Variants in RBFOX3 observed in about 807,000 individuals in gnomAD.
RBFOX3 encodes the protein RNA binding protein fox-1 homolog 3.
A neutral mutation model predicts 48.7 loss-of-function variants in RBFOX3; 17 were observed. The ratio of observed to expected loss-of-function variants is 0.35; its 90% CI spans 0.24 to 0.52. The LOEUF (loss-of-function observed/expected upper bound fraction) is 0.52. RBFOX3 is among the 20% of genes least tolerant of loss of function. RBFOX3 has a pLI of 0.94. For missense variants in RBFOX3, 382 were observed against 497.5 expected, an observed-to-expected ratio of 0.77 and a Z score of 2.21; for synonymous variants, 212 against 209.5, an observed-to-expected ratio of 1.01 and a Z score of -0.10.
At chr17:79,603,288 G>A (rs1461515705) in intron 1 of RBFOX3, among the ~76,000 whole-genome samples, 1 of 152,168 alleles carries the variant, frequency 6.6e-6, no homozygotes, top group Admixed American at 6.5e-5. Flanking sequence ...ACCCTGCCCT[G>A]GCCTCCTTGT....
intron 6 of RBFOX3, among the ~76,000 whole-genome samples, chr17:79,104,871 C>T (rs1433050891): frequency 6.6e-6 from 1 of 151,182 alleles, no homozygotes; most frequent in Non-Finnish European, 1.5e-5. Flanking sequence ...GCCCAGGCCC[C>T]CGGGACCCTG....
chr17:79,616,868 T>A, the RBFOX3 span, among the ~76,000 whole-genome samples: 11 of 152,138 alleles, frequency 7.2e-5, no homozygotes, highest in Admixed American at 1.3e-4. Flanking sequence ...CCGGGCTCCA[T>A]GGAATGTAGG....
At chr17:79,552,369 C>T (rs952930739) in intron 1 of RBFOX3, among the ~76,000 whole-genome samples, 41 of 152,136 alleles carry the variant, frequency 2.7e-4, no homozygotes, top group African/African-American at 8.7e-4. Flanking sequence ...TTAAACATCA[C>T]ACATCAGCAA....
the RBFOX3 span, among the ~76,000 whole-genome samples, chr17:79,663,429 A>T: frequency 1.3e-5 from 2 of 152,190 alleles, no homozygotes; most frequent in Non-Finnish European, 2.9e-5. Flanking sequence ...CAATGAAGTC[A>T]TCCTGGGCTG....
intron 4 of RBFOX3, among the ~76,000 whole-genome samples, chr17:79,168,815 C>T (rs1015340787): frequency 6.6e-6 from 1 of 152,012 alleles, no homozygotes; most frequent in South Asian, 2.1e-4. Flanking sequence ...CTCACCCTGT[C>T]TTCCCGCTGG....
At position 79,364,844 on chromosome 17, in the gene RBFOX3, C is replaced by T. The variant is rs910539543; in HGVS notation, c.-174-57020G>A. 6.6e-6 allele frequency among the ~76,000 whole-genome samples: 1 copy of T among 152,192 alleles called. No individual in the cohort carries two copies. The highest frequency in any genetic ancestry group is 1.5e-5 in the Non-Finnish European group (1 of 68,030). ...TTACCTACAGCCTGGGTTGCTCCCT[C>T]AGCTGGAGAGGCTACCTTGTGTGGC... On this transcript the variant is annotated intron_variant, in intron 2 of 14. Coordinates refer to ENST00000693108, the MANE Select transcript of RBFOX3 (RefSeq NM_001350451.2). The surrounding 1 kb of genome is among the most constrained non-coding windows in gnomAD (Gnocchi z 5.1).
At chr17:79,331,743 C>T (rs1298847587) in intron 2 of RBFOX3, among the ~76,000 whole-genome samples, 4 of 152,216 alleles carry the variant, frequency 2.6e-5, no homozygotes, top group South Asian at 4.1e-4. Context: ...GTGGCCTGCC[C>T]GCTGTTAACA....
At chr17:79,396,817 A>C (rs2062045072) in intron 2 of RBFOX3, among the ~76,000 whole-genome samples, 1 of 152,242 alleles carries the variant, frequency 6.6e-6, no homozygotes, top group South Asian at 2.1e-4. Context: ...CCCAGACAGC[A>C]ACAACAGGGC....
chr17:79,109,628 G>A (rs189710647), intron 5 of RBFOX3, among the ~76,000 whole-genome samples: 32 of 152,328 alleles, frequency 2.1e-4, no homozygotes, highest in Middle Eastern at 6.8e-3. Context: ...CCCTCCCATT[G>A]GACAGGCGTG....
At chr17:79,498,868 T>TCATCCATCCATC (rs56766707) in intron 1 of RBFOX3, among the ~76,000 whole-genome samples, 2,332 of 135,748 alleles carry the variant, frequency 0.017, 60 homozygotes, top group Non-Finnish European at 0.022. Flanking sequence ...ACCCATTCGC[T>TCATCCATCCATC]CATCCATCCA....
intron 1 of RBFOX3, among the ~76,000 whole-genome samples, chr17:79,562,200 G>A (rs1005578881): frequency 2.0e-5 from 3 of 152,210 alleles, no homozygotes; most frequent in Non-Finnish European, 4.4e-5. Flanking sequence ...CTGCCTGCAA[G>A]GAATAGCATG....
At chr17:79,412,992 C>T (rs1598584847) in intron 2 of RBFOX3, among the ~76,000 whole-genome samples, 1 of 152,280 alleles carries the variant, frequency 6.6e-6, no homozygotes, top group East Asian at 1.9e-4. Context: ...TGCTCTCTGA[C>T]AGCCAGAGGA....
At chr17:79,239,967 C>T (rs1216985390) in intron 3 of RBFOX3, among the ~76,000 whole-genome samples, 1 of 152,204 alleles carries the variant, frequency 6.6e-6, no homozygotes, top group Non-Finnish European at 1.5e-5. Flanking sequence ...CCCTTTCTGT[C>T]CTGTCTCTCC....
intron 1 of RBFOX3, among the ~76,000 whole-genome samples, chr17:79,542,351 T>C (rs1020042777): frequency 1.4e-4 from 21 of 152,150 alleles, no homozygotes; most frequent in Admixed American, 9.8e-4. Context: ...GTAACGAAAC[T>C]ATGCAGTGTG....
intron 1 of RBFOX3, among the ~76,000 whole-genome samples, chr17:79,570,439 T>C (rs987696431): frequency 1.3e-5 from 2 of 152,130 alleles, no homozygotes; most frequent in East Asian, 1.9e-4. Flanking sequence ...GATGGGCAGA[T>C]GGATAATATA....
At chr17:79,530,622 T>G (rs1284577614) in intron 1 of RBFOX3, among the ~76,000 whole-genome samples, 1 of 151,232 alleles carries the variant, frequency 6.6e-6, no homozygotes. Flanking sequence ...GCAGTTCCCT[T>G]GATCAGCGCC....
chr17:79,574,061 C>T (rs1423282392), intron 1 of RBFOX3, among the ~76,000 whole-genome samples: 1 of 152,200 alleles, frequency 6.6e-6, no homozygotes. Flanking sequence ...AGCAGGTCAG[C>T]AAGGAAGGGA....
At position 79,307,826 on chromosome 17, in the gene RBFOX3, T is replaced by C. The variant is rs1042854649; in HGVS notation, c.-174-2A>G. 1.5e-4 allele frequency: 23 copies of C among 153,906 alleles called. No homozygotes were observed. The highest frequency in any genetic ancestry group is 5.5e-4 in the African/African-American group (23 of 41,582). The allele number at this position is 153,906 out of a possible 1,614,324, so 9.5% of individuals were successfully genotyped here. A position where few individuals can be genotyped will look rare whatever the true frequency, so the allele number is the denominator to read the frequency against. On this transcript the variant is annotated splice_acceptor_variant, in intron 2 of 14. Coordinates refer to ENST00000693108, the MANE Select transcript of RBFOX3 (RefSeq NM_001350451.2). LOFTEE classifies it low-confidence loss of function (5UTR_SPLICE). ...TCCTCTGGCTGCTGTGACTTCAAGC[T>C]GCATTTCAAAAAGAAAACAAGAGAA...
intron 4 of RBFOX3, among the ~76,000 whole-genome samples, chr17:79,157,012 G>A (rs2045957379): frequency 6.6e-6 from 1 of 152,206 alleles, no homozygotes. Context: ...TCCCTGGCCA[G>A]AGCAGCAGCC....
Sources: allele counts gnomAD v4.1 joint callset (sites outside exome capture counted in the v4.1 genomes callset), GRCh38; gene constraint gnomAD v4.1.1; non-coding constraint Gnocchi (gnomAD v3.1); transcripts MANE v1.5; gene names NCBI Gene and HGNC (gene_info 2026-07-23, HGNC 2026-07-21).